Variants in SASH1 observed in about 807,000 individuals in gnomAD.
SASH1 encodes SAM and SH3 domain containing 1.
SASH1 carries 44 observed loss-of-function variants against 125.2 expected under a neutral mutation model. The ratio of observed to expected loss-of-function variants is 0.35; its 90% CI spans 0.28 to 0.45. The LOEUF (loss-of-function observed/expected upper bound fraction) is 0.45. SASH1 is among the 20% of genes least tolerant of loss of function. The probability of loss-of-function intolerance (pLI) is 1.00; values close to 1 mark genes in which losing one functional copy is unlikely to be tolerated. For missense variants in SASH1, 1,426 were observed against 1,614.5 expected (o/e 0.88, Z 2.00); for synonymous variants, 639 against 649.1 (o/e 0.98, Z 0.24).
chr6:148,524,123 T>A lies in SASH1; in HGVS notation c.1210-1168T>A, dbSNP rs1176105255. Among the ~76,000 whole-genome samples the A allele has an allele frequency of 8.7e-3, 1,060 of 121,786 alleles. 5 individuals are homozygous for A. The highest frequency in any genetic ancestry group is 0.016 in the East Asian group (71 of 4,372). The allele number at this position is 121,786 out of a possible 152,430, so 79.9% of individuals were successfully genotyped here. On this transcript the variant is annotated intron_variant, in intron 10 of 19. Coordinates refer to ENST00000367467, the MANE Select transcript of SASH1 (RefSeq NM_015278.5). ...TATATATATATATATATATATATAT[T>A]TTTTTTAATGAATAAGCAATGCTTA...
rs538165456 is a variant in SASH1, at chr6:148,544,027, G to C, written c.2557G>C (p.Val853Leu). 1.2e-6 allele frequency: 2 copies of C among 1,614,078 alleles called. No homozygotes were observed. The highest frequency in any genetic ancestry group is 4.5e-5 in the East Asian group (2 of 44,870). The change falls in exon 18 of 20, where the codon GTG becomes CTG. Residue 853 changes from valine (V) to leucine (L), a missense_variant. Coordinates refer to ENST00000367467, the MANE Select transcript of SASH1 (RefSeq NM_015278.5). This position sits in a 1 kb window ranked among gnomAD's most constrained non-coding sequence, Gnocchi z 6.4. ...AGTGGAGCCTGGTGCTGAGCAAGAC[G>C]TGCCTACCGAGGTGACAGAACCGCC... ...LQVEPGAEQDVPTEVTEPPPQ... is the reference protein window; with the variant it reads ...LQVEPGAEQDLPTEVTEPPPQ...
At chr6:148,339,232 C>T (rs1004939830), upstream of SASH1, among the ~76,000 whole-genome samples, 12 of 151,822 alleles carry the variant, frequency 7.9e-5, no homozygotes, top group African/African-American at 2.7e-4. Context: ...CTAGTAGAGA[C>T]GAGGTTTCAC....
At position 148,383,258 on chromosome 6, in the gene SASH1, T is replaced by A. The variant is rs181124059; in HGVS notation, c.157-6876T>A. Among the ~76,000 whole-genome samples the A allele has an allele frequency of 1.5e-3, 223 of 152,294 alleles. 2 individuals carry two copies. The highest frequency in any genetic ancestry group is 4.9e-3 in the African/African-American group (203 of 41,562). On this transcript the variant is annotated intron_variant, in intron 1 of 19. Coordinates refer to ENST00000367467, the MANE Select transcript of SASH1 (RefSeq NM_015278.5). ...AAGCTAATTAAGGGTGAAAACACCT[T>A]GGGAAGTCATTCAAAAAATCAGTTA...
intron 1 of SASH1, among the ~76,000 whole-genome samples, chr6:148,323,330 TA>T (rs1265826215): frequency 6.6e-6 from 1 of 152,024 alleles, no homozygotes; most frequent in East Asian, 1.9e-4. Flanking sequence ...TTTCAAAAAA[TA>T]AAAAATAAAC....
the SASH1 span, among the ~76,000 whole-genome samples, chr6:148,207,622 C>G: frequency 6.6e-6 from 1 of 152,140 alleles, no homozygotes; most frequent in African/African-American, 2.4e-5. Flanking sequence ...CCATGTGCTG[C>G]CTTGAGATGT....
At chr6:148,427,513 A>G (rs754684196) in intron 2 of SASH1, among the ~76,000 whole-genome samples, 1 of 152,178 alleles carries the variant, frequency 6.6e-6, no homozygotes, top group Non-Finnish European at 1.5e-5. Context: ...TGTGGTGTGT[A>G]GATCTTATTC....
At chr6:148,292,194 T>C (rs1249541602) in intron 1 of SASH1, among the ~76,000 whole-genome samples, 2 of 152,158 alleles carry the variant, frequency 1.3e-5, no homozygotes, top group Admixed American at 6.5e-5. Flanking sequence ...CTGGGAGAAA[T>C]AGTTTAGTGT....
intron 1 of SASH1, among the ~76,000 whole-genome samples, chr6:148,321,545 T>A: frequency 6.6e-6 from 1 of 152,196 alleles, no homozygotes; most frequent in East Asian, 1.9e-4. Context: ...ATAATGGTGA[T>A]CAAACATGGC....
chr6:148,215,529 G>C, the SASH1 span, among the ~76,000 whole-genome samples: 1 of 152,070 alleles, frequency 6.6e-6, no homozygotes, highest in East Asian at 1.9e-4. Flanking sequence ...CTCTGGAGTG[G>C]AAAAAGGTTA....
At position 148,532,021 on chromosome 6, in the gene SASH1, C is replaced by T. The variant is rs1383182303; in HGVS notation, c.1564+360C>T. On this transcript the variant is annotated intron_variant, in intron 13 of 19. Coordinates refer to ENST00000367467, the MANE Select transcript of SASH1 (RefSeq NM_015278.5). This position sits in a 1 kb window ranked among gnomAD's most constrained non-coding sequence, Gnocchi z 4.7. Reference sequence around the variant, plus strand: ...GAATTTTATATGTGACTGATAAATTCGGGCCAATGGTAGTTGGAGTTGGCT... The same window carrying T: ...GAATTTTATATGTGACTGATAAATTTGGGCCAATGGTAGTTGGAGTTGGCT... Among the ~76,000 whole-genome samples the T allele has an allele frequency of 3.3e-5, 5 of 152,092 alleles. No homozygotes were observed. In the East Asian group the frequency reaches 9.6e-4, roughly 29 times the overall value.
chr6:148,236,617 C>A, the SASH1 span, among the ~76,000 whole-genome samples: 5 of 152,186 alleles, frequency 3.3e-5, no homozygotes, highest in African/African-American at 9.7e-5. Flanking sequence ...GCAACCGCTT[C>A]TTGACTTCTG....
rs576690639 is a variant in SASH1 at position 148,474,239 on chromosome 6, C to T, written c.627+17C>T. 151 of 1,483,778 alleles carry T rather than the reference C, an allele frequency of 1.0e-4. 4 individuals are homozygous for T. In the South Asian group the frequency reaches 1.7e-3, roughly 17 times the overall value. The allele number at this position is 1,483,778 out of a possible 1,614,324, so 91.9% of individuals were successfully genotyped here. On this transcript the variant is annotated intron_variant, in intron 7 of 19. Coordinates refer to ENST00000367467, the MANE Select transcript of SASH1 (RefSeq NM_015278.5). ...CTTGCTAGGGTAAGCATGCAGATACCTGGTTTATATTTGTGAGGACTTGAC... is the reference window on the plus strand; with the variant it reads ...CTTGCTAGGGTAAGCATGCAGATACTTGGTTTATATTTGTGAGGACTTGAC...
chr6:148,419,227 A>T (rs534087984), intron 2 of SASH1, among the ~76,000 whole-genome samples: 6 of 152,334 alleles, frequency 3.9e-5, no homozygotes, highest in Admixed American at 6.5e-5. Flanking sequence ...TATAGGTAGA[A>T]TATTTAAAAT....
chr6:148,231,211 C>T, the SASH1 span, among the ~76,000 whole-genome samples: 1 of 152,186 alleles, frequency 6.6e-6, no homozygotes, highest in Non-Finnish European at 1.5e-5. Flanking sequence ...TCAGTTAATT[C>T]CAGCATTATT....
intron 1 of SASH1, among the ~76,000 whole-genome samples, chr6:148,288,308 C>T (rs186033476): frequency 2.6e-5 from 4 of 152,248 alleles, no homozygotes; most frequent in African/African-American, 9.6e-5. Flanking sequence ...TTACCGTCTC[C>T]TACAGTAGAG....
intron 8 of SASH1, among the ~76,000 whole-genome samples, chr6:148,502,525 G>A (rs1358824078): frequency 6.6e-6 from 1 of 152,160 alleles, no homozygotes; most frequent in Non-Finnish European, 1.5e-5. Flanking sequence ...CCTCTGCCAC[G>A]GCCCCAGAGT....
intron 8 of SASH1, among the ~76,000 whole-genome samples, chr6:148,488,541 T>C (rs1025686892): frequency 2.6e-5 from 4 of 152,244 alleles, no homozygotes; most frequent in African/African-American, 9.6e-5. Context: ...GATCATGTAG[T>C]AATTCTGTAT....
At chr6:148,412,137 G>C (rs1784654656) in intron 2 of SASH1, among the ~76,000 whole-genome samples, 1 of 152,162 alleles carries the variant, frequency 6.6e-6, no homozygotes, top group Admixed American at 6.5e-5. Context: ...AGATGTTTAA[G>C]GTGGTTCCAT....
intron 4 of SASH1, among the ~76,000 whole-genome samples, chr6:148,460,745 A>G (rs1023206005): frequency 1.3e-5 from 2 of 152,220 alleles, no homozygotes; most frequent in African/African-American, 4.8e-5. Context: ...CATTGGATAA[A>G]GAGATTTTGA....
Sources: allele counts gnomAD v4.1 joint callset (sites outside exome capture counted in the v4.1 genomes callset), GRCh38; gene constraint gnomAD v4.1.1; non-coding constraint Gnocchi (gnomAD v3.1); transcripts MANE v1.5; gene names NCBI Gene and HGNC (gene_info 2026-07-23, HGNC 2026-07-21).